The following PPP3CA variants were observed in gnomAD, a reference collection of about 807,000 sequenced individuals.
PPP3CA encodes the protein CAM-PRP catalytic subunit.
In PPP3CA, 14 loss-of-function variants were observed where a neutral mutation model predicts 66.5. The observed-to-expected ratio is 0.21, with a 90% confidence interval of 0.14 to 0.33. PPP3CA has a LOEUF of 0.33. Ranked by LOEUF, PPP3CA falls within the 10% of genes least tolerant of loss-of-function variation. The pLI is 1.00. For synonymous variants in PPP3CA, 232 were observed against 226.2 expected (o/e 1.03, Z -0.23); for missense variants, 317 against 639.5 (o/e 0.50, Z 5.44).
At chr4:101,179,246 T>C (rs575098602) in intron 2 of PPP3CA, among the ~76,000 whole-genome samples, 1 of 152,014 alleles carries the variant, frequency 6.6e-6, no homozygotes, top group Non-Finnish European at 1.5e-5. Context: ...GAGTGCTAGT[T>C]AAAGAAAATA....
intron 2 of PPP3CA, among the ~76,000 whole-genome samples, chr4:101,175,844 C>T (rs1724042001): frequency 6.6e-6 from 1 of 152,092 alleles, no homozygotes; most frequent in Admixed American, 6.6e-5. Context: ...TTTGATTCTA[C>T]CACACAGAGG....
At chr4:101,175,330 A>G (rs935915985) in intron 2 of PPP3CA, among the ~76,000 whole-genome samples, 1 of 152,180 alleles carries the variant, frequency 6.6e-6, no homozygotes, top group African/African-American at 2.4e-5. Context: ...ATAGCCAACT[A>G]TAATTGAATG....
intron 8 of PPP3CA, among the ~76,000 whole-genome samples, chr4:101,075,617 A>T (rs1729152880): frequency 6.6e-6 from 1 of 151,712 alleles, no homozygotes; most frequent in South Asian, 2.1e-4. Context: ...TCAAGTGTTT[A>T]CATCAAGGTA....
At chr4:101,191,583 A>G (rs1724603863) in intron 2 of PPP3CA, among the ~76,000 whole-genome samples, 1 of 152,190 alleles carries the variant, frequency 6.6e-6, no homozygotes, top group African/African-American at 2.4e-5. Flanking sequence ...GCCCCAGACA[A>G]AATATTTTAT....
At chr4:101,332,210 G>A (rs1233251467) in intron 1 of PPP3CA, among the ~76,000 whole-genome samples, 1 of 152,212 alleles carries the variant, frequency 6.6e-6, no homozygotes, top group Non-Finnish European at 1.5e-5. Context: ...TAGGGTTTGA[G>A]AGACAGCTCA....
At chr4:101,106,472 A>G (rs1370831022) in intron 3 of PPP3CA, among the ~76,000 whole-genome samples, 3 of 54,278 alleles carry the variant, frequency 5.5e-5, no homozygotes, top group African/African-American at 5.2e-4. Context: ...AAAGAAAAGA[A>G]AAGAAAAGAA....
intron 1 of PPP3CA, among the ~76,000 whole-genome samples, chr4:101,323,013 A>AAG (rs1166320162): frequency 6.6e-6 from 1 of 152,196 alleles, no homozygotes; most frequent in Non-Finnish European, 1.5e-5. Context: ...GCATTAAAAT[A>AAG]AGTAAAAATA....
At chr4:101,282,438 C>T (rs943721357) in intron 1 of PPP3CA, among the ~76,000 whole-genome samples, 3 of 152,130 alleles carry the variant, frequency 2.0e-5, no homozygotes, top group African/African-American at 7.2e-5. Context: ...CATGGACTTA[C>T]CTGATAGGTC....
intron 1 of PPP3CA, 41 bp downstream of exon 1, chr4:101,346,698 C>A (rs991243488): frequency 1.3e-6 from 2 of 1,564,826 alleles, no homozygotes; most frequent in Non-Finnish European, 8.7e-7. Flanking sequence ...CTGGCGCCTG[C>A]GGCACACGGT....
chr4:101,121,422 T>C (rs775918124), intron 2 of PPP3CA, among the ~76,000 whole-genome samples: 7 of 152,130 alleles, frequency 4.6e-5, no homozygotes, highest in Non-Finnish European at 8.8e-5. Flanking sequence ...ATGTTCTTAA[T>C]ACATAGTTTT....
At chr4:101,182,860 T>C (rs937598828) in intron 2 of PPP3CA, among the ~76,000 whole-genome samples, 47 of 152,070 alleles carry the variant, frequency 3.1e-4, no homozygotes, top group African/African-American at 1.1e-3. Flanking sequence ...GTTTTAAAAA[T>C]GGGAGATTTC....
At chr4:101,118,956 ATTTT>A (rs201507463) in intron 2 of PPP3CA, among the ~76,000 whole-genome samples, 9,839 of 129,854 alleles carry the variant, frequency 0.076, 470 homozygotes, top group East Asian at 0.24. Context: ...GAACTTACAG[ATTTT>A]TTTTTTTTTT....
intron 6 of PPP3CA, among the ~76,000 whole-genome samples, chr4:101,088,409 C>T (rs1430404658): frequency 2.0e-5 from 3 of 151,572 alleles, no homozygotes; most frequent in African/African-American, 7.3e-5. Flanking sequence ...CACAGTGAAA[C>T]CCTGTCTCTA....
chr4:101,206,096 T>C (rs1725122425), intron 1 of PPP3CA, among the ~76,000 whole-genome samples: 1 of 152,134 alleles, frequency 6.6e-6, no homozygotes, highest in Non-Finnish European at 1.5e-5. Flanking sequence ...GCTTACACTG[T>C]TTGCTTCCTT....
At chr4:101,129,893 T>A (rs561926605) in intron 2 of PPP3CA, among the ~76,000 whole-genome samples, 1 of 152,140 alleles carries the variant, frequency 6.6e-6, no homozygotes, top group African/African-American at 2.4e-5. Context: ...GGATGGAGAA[T>A]GAGTTTGACC....
intron 2 of PPP3CA, among the ~76,000 whole-genome samples, chr4:101,146,869 G>C (rs951366812): frequency 1.3e-5 from 2 of 152,156 alleles, no homozygotes; most frequent in Admixed American, 6.6e-5. Flanking sequence ...TGGAATATCT[G>C]CATTATACTT....
intron 1 of PPP3CA, among the ~76,000 whole-genome samples, chr4:101,293,123 C>T (rs1728083214): frequency 6.6e-6 from 1 of 152,192 alleles, no homozygotes; most frequent in Non-Finnish European, 1.5e-5. Flanking sequence ...TCATAACCCA[C>T]ACTCACAATG....
intron 1 of PPP3CA, among the ~76,000 whole-genome samples, chr4:101,320,705 A>C (rs1729016529): frequency 6.6e-6 from 1 of 152,184 alleles, no homozygotes; most frequent in Non-Finnish European, 1.5e-5. Context: ...GCAATGTTTC[A>C]ATGTATAATT....
chr4:101,293,870 A>C (rs981403648), intron 1 of PPP3CA, among the ~76,000 whole-genome samples: 2 of 151,978 alleles, frequency 1.3e-5, no homozygotes, highest in African/African-American at 2.4e-5. Flanking sequence ...TTTTTTCTCT[A>C]TCTCTCTTTT....
Sources: gnomAD v4.1 joint callset for allele counts (sites outside exome capture counted in the v4.1 genomes callset) on GRCh38, gnomAD v4.1.1 for gene constraint, MANE v1.5 for transcripts, NCBI Gene and HGNC (gene_info 2026-07-23, HGNC 2026-07-21) for gene names.